TRPS1: variants seen among roughly 807,000 people sequenced by gnomAD.
The protein encoded by TRPS1 is zinc finger transcription factor Trps1.
TRPS1 carries 6 observed loss-of-function variants against 101.2 expected under a neutral mutation model. The ratio of observed to expected loss-of-function variants is 0.06; its 90% CI spans 0.03 to 0.12. TRPS1 has a LOEUF of 0.12. Ranked by LOEUF, TRPS1 falls within the 10% of genes least tolerant of loss-of-function variation. The probability of loss-of-function intolerance (pLI) is 1.00; values close to 1 mark genes in which losing one functional copy is unlikely to be tolerated. For missense variants in TRPS1, 1,363 were observed against 1,567.0 expected (o/e 0.87, Z 2.20); for synonymous variants, 578 against 589.8 (o/e 0.98, Z 0.29).
At chr8:115,607,359 T>C (rs1319756894) in intron 3 of TRPS1, among the ~76,000 whole-genome samples, 1 of 151,764 alleles carries the variant, frequency 6.6e-6, no homozygotes, top group Non-Finnish European at 1.5e-5. Flanking sequence ...AGCATTTTGG[T>C]TTAGGATTAA....
At chr8:115,489,739 CT>C (rs1027200907) in intron 5 of TRPS1, among the ~76,000 whole-genome samples, 1 of 151,962 alleles carries the variant, frequency 6.6e-6, no homozygotes, top group African/African-American at 2.4e-5. Flanking sequence ...ATGAATTTGG[CT>C]TTTTAAAAGA....
chr8:115,563,083 T>C (rs950416581), intron 5 of TRPS1, among the ~76,000 whole-genome samples: 6 of 151,796 alleles, frequency 4.0e-5, no homozygotes, highest in Non-Finnish European at 8.8e-5. Flanking sequence ...ATGAAACACT[T>C]GTCTTCTGTA....
chr8:115,581,753 C>G (rs866425858), intron 5 of TRPS1, among the ~76,000 whole-genome samples: 1 of 152,050 alleles, frequency 6.6e-6, no homozygotes, highest in South Asian at 2.1e-4. Context: ...CACTTTTACA[C>G]GGTAAAACAG....
chr8:115,607,129 C>T (rs997806), intron 3 of TRPS1, among the ~76,000 whole-genome samples: 102,749 of 151,876 alleles, frequency 0.68, 35,857 homozygotes, highest in African/African-American at 0.84. Flanking sequence ...TGTGCCATGA[C>T]CACACTGAAA....
intron 5 of TRPS1, among the ~76,000 whole-genome samples, chr8:115,479,638 G>A (rs1021659099): frequency 7.2e-5 from 11 of 152,000 alleles, no homozygotes; most frequent in South Asian, 4.1e-4. Context: ...CTTTTCATAC[G>A]AATATGTCTA....
At chr8:115,620,379 A>G (rs1818367323) in intron 2 of TRPS1, among the ~76,000 whole-genome samples, 1 of 152,004 alleles carries the variant, frequency 6.6e-6, no homozygotes, top group South Asian at 2.1e-4. Flanking sequence ...ATTTTTGCCC[A>G]ATTTCTTCCT....
intron 1 of TRPS1, among the ~76,000 whole-genome samples, chr8:115,629,733 G>T (rs2721946): frequency 0.56 from 85,040 of 151,586 alleles, 25,523 homozygotes; most frequent in East Asian, 0.84. Flanking sequence ...AGTTCATATA[G>T]TTACAATCAG....
At chr8:115,622,494 T>C (rs578231627) in intron 2 of TRPS1, among the ~76,000 whole-genome samples, 13 of 152,306 alleles carry the variant, frequency 8.5e-5, no homozygotes, top group African/African-American at 3.1e-4. Flanking sequence ...TAGGTTGTAA[T>C]CAAACATTCC....
intron 5 of TRPS1, among the ~76,000 whole-genome samples, chr8:115,493,407 T>A (rs923098265): frequency 6.6e-6 from 1 of 152,188 alleles, no homozygotes; most frequent in Non-Finnish European, 1.5e-5. Flanking sequence ...CAGGCTGAGG[T>A]GCAATGATCT....
chr8:115,574,741 C>CATAT (rs3071227), intron 5 of TRPS1, among the ~76,000 whole-genome samples: 102,855 of 150,384 alleles, frequency 0.68, 36,471 homozygotes, highest in African/African-American at 0.88. Context: ...AGTTAAATCC[C>CATAT]ATATATATAT....
intron 5 of TRPS1, among the ~76,000 whole-genome samples, chr8:115,447,209 G>C (rs1813759576): frequency 6.6e-6 from 1 of 152,128 alleles, no homozygotes; most frequent in African/African-American, 2.4e-5. Flanking sequence ...CTTTATCAAA[G>C]CTACTGACTA....
intron 5 of TRPS1, among the ~76,000 whole-genome samples, chr8:115,574,191 A>G (rs1360290400): frequency 6.6e-6 from 1 of 152,180 alleles, no homozygotes; most frequent in Non-Finnish European, 1.5e-5. Flanking sequence ...TATTTATCGG[A>G]CAACAAGAAA....
At chr8:115,430,808 T>A (rs116452337) in intron 5 of TRPS1, among the ~76,000 whole-genome samples, 224 of 152,206 alleles carry the variant, frequency 1.5e-3, no homozygotes, top group Middle Eastern at 0.01. Flanking sequence ...TTGTCTTTAT[T>A]TTCATTAAAG....
intron 5 of TRPS1, among the ~76,000 whole-genome samples, chr8:115,563,736 C>T (rs886215114): frequency 2.6e-5 from 4 of 151,990 alleles, no homozygotes; most frequent in Non-Finnish European, 4.4e-5. Flanking sequence ...ACTTTAAGTT[C>T]CCAAGCTGTC....
chr8:115,515,039 A>G (rs1317098038), intron 5 of TRPS1, among the ~76,000 whole-genome samples: 10 of 151,700 alleles, frequency 6.6e-5, no homozygotes, highest in Admixed American at 6.6e-4. Context: ...TAAGATAATT[A>G]AGATGGCATA....
intron 5 of TRPS1, among the ~76,000 whole-genome samples, chr8:115,556,148 G>C (rs555670923): frequency 2.0e-4 from 31 of 152,146 alleles, no homozygotes; most frequent in Non-Finnish European, 4.6e-4. Context: ...CCATTCAAAA[G>C]GCTGATCACA....
At chr8:115,433,627 T>A (rs1441059654) in intron 5 of TRPS1, among the ~76,000 whole-genome samples, 1 of 152,156 alleles carries the variant, frequency 6.6e-6, no homozygotes, top group Non-Finnish European at 1.5e-5. Flanking sequence ...GTTATTATCC[T>A]ACTTTGGCTC....
At chr8:115,532,000 A>G (rs1363360301) in intron 5 of TRPS1, among the ~76,000 whole-genome samples, 2 of 152,116 alleles carry the variant, frequency 1.3e-5, no homozygotes, top group Admixed American at 6.6e-5. Flanking sequence ...AATCTGAGGG[A>G]CTGCATGCTT....
At chr8:115,608,995 T>C (rs1022012212) in intron 3 of TRPS1, among the ~76,000 whole-genome samples, 1 of 152,026 alleles carries the variant, frequency 6.6e-6, no homozygotes, top group African/African-American at 2.4e-5. Flanking sequence ...AACAGACACA[T>C]GCCACCACAC....
Sources: allele counts gnomAD v4.1 joint callset (sites outside exome capture counted in the v4.1 genomes callset), GRCh38; gene constraint gnomAD v4.1.1; transcripts MANE v1.5; gene names NCBI Gene and HGNC (gene_info 2026-07-23, HGNC 2026-07-21).